Variants in TNIP3 observed in about 807,000 individuals in gnomAD.
TNIP3 encodes TNFAIP3-interacting protein 3.
Under a neutral mutation model 54.1 loss-of-function variants are expected in TNIP3, and 34 were observed. That is an observed-to-expected ratio of 0.63 (90% CI 0.48 to 0.84). The LOEUF (loss-of-function observed/expected upper bound fraction) is 0.84. TNIP3 is among the 40% of genes least tolerant of loss of function. TNIP3 has a pLI of 0.00. For missense variants in TNIP3, 366 were observed against 387.6 expected (o/e 0.94, Z 0.47); for synonymous variants, 134 against 136.8 (o/e 0.98, Z 0.14).
At chr4:121,175,960 C>T (rs1247648970) in intron 3 of TNIP3, among the ~76,000 whole-genome samples, 1 of 152,146 alleles carries the variant, frequency 6.6e-6, no homozygotes, top group Non-Finnish European at 1.5e-5. Context: ...GTCAGATCTC[C>T]TTATCTGGAT....
chr4:121,175,299 G>A (rs1724244157), intron 3 of TNIP3, among the ~76,000 whole-genome samples: 1 of 152,180 alleles, frequency 6.6e-6, no homozygotes, highest in South Asian at 2.1e-4. Flanking sequence ...AATACCTTTG[G>A]CTTTAAGTGT....
chr4:121,134,498 A>T (rs923231064), intron 10 of TNIP3, among the ~76,000 whole-genome samples: 3 of 152,250 alleles, frequency 2.0e-5, no homozygotes, highest in Middle Eastern at 3.2e-3. Context: ...TAACTCATTA[A>T]TATCTGTGGA....
intron 4 of TNIP3, among the ~76,000 whole-genome samples, chr4:121,156,291 C>T (rs1387902874): frequency 6.6e-6 from 1 of 152,236 alleles, no homozygotes; most frequent in Middle Eastern, 3.4e-3. Context: ...TCTTACTATA[C>T]CTAAAATAAC....
At chr4:121,210,750 T>A (rs1484117048) in intron 2 of TNIP3, among the ~76,000 whole-genome samples, 1 of 152,146 alleles carries the variant, frequency 6.6e-6, no homozygotes, top group Non-Finnish European at 1.5e-5. Flanking sequence ...ATAAGGGCAC[T>A]AATCCTATTG....
chr4:121,156,982 T>C (rs747073005), intron 4 of TNIP3, 112 bp downstream of exon 4: 169 of 1,412,498 alleles, frequency 1.2e-4, no homozygotes, highest in Non-Finnish European at 1.5e-4. Context: ...ACATCGGTCG[T>C]TGCTCAGTAG....
intron 10 of TNIP3, chr4:121,137,995 C>T (rs1196793582): frequency 2.2e-6 from 1 of 455,680 alleles, no homozygotes; most frequent in Admixed American, 2.4e-5. Flanking sequence ...TAGAAACAAG[C>T]AGTAGAAAGT....
intron 10 of TNIP3, chr4:121,137,488 C>G (rs1044036519): frequency 6.6e-6 from 1 of 152,378 alleles, no homozygotes; most frequent in Non-Finnish European, 1.5e-5. Flanking sequence ...GGAATTCTCA[C>G]ATTTCATATT....
chr4:121,182,643 A>G, intron 3 of TNIP3: 2 of 1,532,722 alleles, frequency 1.3e-6, no homozygotes, highest in Non-Finnish European at 1.7e-6. Flanking sequence ...TGAAGGGTAC[A>G]TCGAGATAAG....
At chr4:121,161,664 G>C (rs1357049110) in intron 1 of TNIP3, among the ~76,000 whole-genome samples, 1 of 152,120 alleles carries the variant, frequency 6.6e-6, no homozygotes, top group Non-Finnish European at 1.5e-5. Context: ...ATTCTGAAAA[G>C]TAGACCCAGT....
At chr4:121,213,552 C>A (rs1251109919) in intron 2 of TNIP3, among the ~76,000 whole-genome samples, 1 of 151,778 alleles carries the variant, frequency 6.6e-6, no homozygotes. Flanking sequence ...CAGTGAAACA[C>A]CATCTCTACT....
Position 121,161,504 on chromosome 4 carries a change from A to G in TNIP3, c.67-288T>C, listed in dbSNP as rs182703732. 2.8e-4 allele frequency among the ~76,000 whole-genome samples: 43 copies of G among 152,292 alleles called. 1 individual carries two copies. In the South Asian group the frequency reaches 5.4e-3, roughly 19 times the overall value. On this transcript the variant is annotated intron_variant, in intron 1 of 10. Transcript: ENST00000057513. ...TATAACGGGTAAGTCAGAGATTAAA[A>G]TTTTATGAATTTGGATTTCAATCCT...
rs1371237905 is a variant in TNIP3, at chr4:121,157,250, A to G, written c.214-7T>C. On this transcript the variant is annotated splice_region_variant and splice_polypyrimidine_tract_variant and intron_variant, in intron 3 of 10. Transcript: ENST00000057513. ...TCGTCTTCAGCTCTGCTACCTGAGGAGGTCGTTCAAAGACAGCTGCAGATA... is the reference window on the plus strand; with the variant it reads ...TCGTCTTCAGCTCTGCTACCTGAGGGGGTCGTTCAAAGACAGCTGCAGATA... The G allele has an allele frequency of 6.2e-7, 1 of 1,614,016 alleles. No homozygotes were observed. The highest frequency in any genetic ancestry group is 1.1e-5 in the South Asian group (1 of 91,074).
At chr4:121,149,180 T>C (rs1432979508) in intron 6 of TNIP3, among the ~76,000 whole-genome samples, 1 of 152,204 alleles carries the variant, frequency 6.6e-6, no homozygotes, top group Non-Finnish European at 1.5e-5. Flanking sequence ...AATAGATACA[T>C]GCGGAAGTTG....
chr4:121,139,486 C>T (rs1728985263), intron 9 of TNIP3, among the ~76,000 whole-genome samples: 1 of 152,182 alleles, frequency 6.6e-6, no homozygotes, highest in African/African-American at 2.4e-5. Flanking sequence ...TGAATGCTCA[C>T]CCCTGCCTCC....
chr4:121,214,252 C>T (rs758526185), intron 2 of TNIP3, among the ~76,000 whole-genome samples: 1 of 152,152 alleles, frequency 6.6e-6, no homozygotes, highest in East Asian at 1.9e-4. Context: ...TCTGCACTTC[C>T]GGGTATATAC....
At chr4:121,216,698 A>G, upstream of TNIP3, 3 of 1,286,750 alleles carry the variant, frequency 2.3e-6, no homozygotes, top group Non-Finnish European at 3.1e-6. Flanking sequence ...AGTTTCAATG[A>G]AAGGTAAACC....
intron 3 of TNIP3, among the ~76,000 whole-genome samples, chr4:121,179,505 G>C (rs753512929): frequency 1.3e-5 from 2 of 152,164 alleles, no homozygotes; most frequent in Non-Finnish European, 2.9e-5. Flanking sequence ...ATGATGCAAA[G>C]GCATTTGGTT....
At chr4:121,135,374 G>A (rs1381795930) in intron 10 of TNIP3, among the ~76,000 whole-genome samples, 1 of 152,060 alleles carries the variant, frequency 6.6e-6, no homozygotes, top group African/African-American at 2.4e-5. Context: ...TCAAATGCAT[G>A]AAGTTACTTC....
intron 7 of TNIP3, among the ~76,000 whole-genome samples, chr4:121,146,592 C>T (rs1313638496): frequency 6.6e-6 from 1 of 152,146 alleles, no homozygotes; most frequent in Non-Finnish European, 1.5e-5. Context: ...ACTCCAGTTA[C>T]ATTACATCTG....
Sources: gnomAD v4.1 joint callset for allele counts (sites outside exome capture counted in the v4.1 genomes callset) on GRCh38, gnomAD v4.1.1 for gene constraint, MANE v1.5 for transcripts, NCBI Gene and HGNC (gene_info 2026-07-23, HGNC 2026-07-21) for gene names.